Variants in CLMP observed in about 807,000 individuals in gnomAD.
The protein encoded by CLMP is CXADR like cell adhesion molecule.
Under a neutral mutation model 45.2 loss-of-function variants are expected in CLMP, and 27 were observed. The observed-to-expected ratio is 0.60, with a 90% confidence interval of 0.44 to 0.82. The LOEUF (loss-of-function observed/expected upper bound fraction) is 0.82. Among genes scored for constraint, CLMP ranks in the 40% least tolerant of loss-of-function variants. The probability of loss-of-function intolerance (pLI) is 0.00; values close to 1 mark genes in which losing one functional copy is unlikely to be tolerated. For synonymous variants in CLMP, 167 were observed against 171.4 expected (o/e 0.97, Z 0.20); for missense variants, 403 against 448.4 (o/e 0.90, Z 0.91).
chr11:123,106,912 C>A (rs1208064992), intron 1 of CLMP, among the ~76,000 whole-genome samples: 4 of 150,738 alleles, frequency 2.7e-5, no homozygotes, highest in African/African-American at 7.3e-5. Context: ...CCCAGCTACT[C>A]GGGAGGCTGA....
chr11:123,146,417 C>T (rs1861238751), intron 1 of CLMP, among the ~76,000 whole-genome samples: 1 of 152,102 alleles, frequency 6.6e-6, no homozygotes, highest in African/African-American at 2.4e-5. Context: ...TTATTATTTC[C>T]TTATTCCTTA....
At chr11:123,080,241 A>G (rs1865789164) in intron 5 of CLMP, among the ~76,000 whole-genome samples, 3 of 152,298 alleles carry the variant, frequency 2.0e-5, no homozygotes, top group African/African-American at 7.2e-5. Context: ...CAGATGCAAC[A>G]TACCATCACT....
rs1158725312 is a variant in CLMP, at chr11:123,083,087, T to C, written c.677A>G (p.Gln226Arg). The C allele has an allele frequency of 6.2e-7, 1 of 1,614,220 alleles. No homozygotes were observed. ...KESCVVRVTV[Q>R]YVQSIGMVAG... ...CTAAAACCTCTTTGGATGCTTACACTGTACAGTTACTCGCACCACACAGCT... is the reference window on the plus strand; with the variant it reads ...CTAAAACCTCTTTGGATGCTTACACCGTACAGTTACTCGCACCACACAGCT... Residue 226 changes from glutamine to arginine, a missense_variant and splice_region_variant, in exon 5 of 7, where the codon CAG (glutamine) becomes CGG (arginine). By Grantham distance (43) the Gln-to-Arg change is conservative. Transcript: ENST00000448775.
At position 123,083,728 on chromosome 11, in the gene CLMP, G is replaced by C. The variant is rs765907815; in HGVS notation, c.508C>G (p.Arg170Gly). The C allele has an allele frequency of 6.2e-7, 1 of 1,613,952 alleles. No individual in the cohort carries two copies. Among genetic ancestry groups the C allele is most frequent in the Non-Finnish European group, 8.5e-7 (1 of 1,179,998 alleles). The change falls in exon 4 of 7, where the codon CGA becomes GGA. Residue 170 changes from arginine (R) to glycine (G), a missense_variant. Physicochemically the swap from Arg to Gly is moderately radical, Grantham distance 125. Transcript: ENST00000448775. ...CGTTCATCCTCTCCCTCTTTCTCTC[G>C]GATTCGCTGCCAGTAATACACAATG... is the stretch of plus-strand genomic sequence containing the variant. ...EPIVYYWQRI[R>G]EKEGEDERLP...
In CLMP at chr11:123,074,721, C is replaced by T. The variant is rs1186034165; in HGVS notation, c.802G>A (p.Glu268Lys). The T allele has an allele frequency of 1.2e-6, 2 of 1,613,990 alleles. No homozygotes were observed. The highest frequency in any genetic ancestry group is 2.7e-5 in the African/African-American group (2 of 74,914). ...GTTTACCGAATTTCATTAGGTCTCT[C>T]TTCTTCCTCATATCTTTCTTTGTCT... ...RKDKERYEEE[E>K]RPNEIREDAE... Residue 268 changes from glutamate to lysine, a missense_variant, in exon 6 of 7, where the codon GAG (glutamate) becomes AAG (lysine). Physicochemically the swap from Glu to Lys is moderately conservative, Grantham distance 56. Coordinates refer to ENST00000448775, the MANE Select transcript of CLMP (RefSeq NM_024769.5).
intron 1 of CLMP, among the ~76,000 whole-genome samples, chr11:123,105,396 CCTTCCTTCCT>C (rs1353723932): frequency 3.3e-5 from 4 of 123,068 alleles, no homozygotes; most frequent in African/African-American, 1.2e-4. Flanking sequence ...TTCCTTCCTT[CCTTCCTTCCT>C]CTCTCTCTCT....
intron 1 of CLMP, among the ~76,000 whole-genome samples, chr11:123,099,992 G>T (rs184153361): frequency 5.4e-4 from 82 of 152,306 alleles, no homozygotes; most frequent in African/African-American, 1.9e-3. Context: ...AAAAGCAAAT[G>T]ATGGATTTGC....
At chr11:123,083,249 G>A (rs1461802470) in intron 4 of CLMP, 42 bp from the exon 5 acceptor site, 1 of 1,587,118 alleles carries the variant, frequency 6.3e-7, no homozygotes, top group South Asian at 1.1e-5. Flanking sequence ...CTTTAGTGAT[G>A]GTATCTATAT....
At chr11:123,104,247 G>A (rs921357700) in intron 1 of CLMP, among the ~76,000 whole-genome samples, 2 of 146,068 alleles carry the variant, frequency 1.4e-5, no homozygotes, top group Non-Finnish European at 3.0e-5. Context: ...ACCACCCACC[G>A]AGCTATTTTT....
chr11:123,140,790 C>T (rs564780656), intron 1 of CLMP, among the ~76,000 whole-genome samples: 2 of 152,176 alleles, frequency 1.3e-5, no homozygotes, highest in South Asian at 2.1e-4. Context: ...TCCATACCCC[C>T]GATATGATTT....
intron 1 of CLMP, among the ~76,000 whole-genome samples, chr11:123,160,114 A>G (rs1038937879): frequency 2.0e-5 from 3 of 151,898 alleles, no homozygotes; most frequent in Non-Finnish European, 4.4e-5. Context: ...CCCTGTCTCT[A>G]CTAAAAAATA....
chr11:123,183,931 G>A (rs1484551285), intron 1 of CLMP, among the ~76,000 whole-genome samples: 24 of 152,058 alleles, frequency 1.6e-4, no homozygotes, highest in Admixed American at 1.1e-3. Flanking sequence ...ACCTGGCTTC[G>A]AGTTTTGATT....
At chr11:123,157,790 G>A (rs1317997680) in intron 1 of CLMP, among the ~76,000 whole-genome samples, 2 of 150,854 alleles carry the variant, frequency 1.3e-5, no homozygotes, top group Non-Finnish European at 3.0e-5. Context: ...CTGGGTTCAC[G>A]GCGTGTAAGT....
intron 1 of CLMP, among the ~76,000 whole-genome samples, chr11:123,144,757 C>A (rs894271940): frequency 6.6e-6 from 1 of 152,164 alleles, no homozygotes; most frequent in Non-Finnish European, 1.5e-5. Context: ...AAGCAGTAGA[C>A]AGAGTTTTTG....
At chr11:123,160,425 T>A (rs1433296384) in intron 1 of CLMP, among the ~76,000 whole-genome samples, 1 of 152,148 alleles carries the variant, frequency 6.6e-6, no homozygotes, top group Non-Finnish European at 1.5e-5. Context: ...ATGTCTTCAC[T>A]GCACTTATTA....
intron 1 of CLMP, among the ~76,000 whole-genome samples, chr11:123,110,891 T>G (rs1401925740): frequency 6.6e-6 from 1 of 152,050 alleles, no homozygotes; most frequent in Non-Finnish European, 1.5e-5. Flanking sequence ...AGTTTTCCAT[T>G]ACTGGAGTCA....
chr11:123,175,614 C>T (rs1001867041), intron 1 of CLMP, among the ~76,000 whole-genome samples: 26 of 152,228 alleles, frequency 1.7e-4, no homozygotes, highest in African/African-American at 5.8e-4. Flanking sequence ...TGAGTCACCA[C>T]GCCCAGCTTG....
At chr11:123,103,752 A>G (rs1460082538) in intron 1 of CLMP, among the ~76,000 whole-genome samples, 1 of 138,360 alleles carries the variant, frequency 7.2e-6, no homozygotes. Flanking sequence ...ATTTTTTTAC[A>G]TTGCTCAAAG....
intron 1 of CLMP, among the ~76,000 whole-genome samples, chr11:123,186,580 C>T (rs1329809193): frequency 3.3e-5 from 5 of 151,222 alleles, no homozygotes; most frequent in Admixed American, 2.0e-4. Flanking sequence ...AATGCAGTGG[C>T]GTGATCTCAA....
Sources: allele counts gnomAD v4.1 joint callset (sites outside exome capture counted in the v4.1 genomes callset), GRCh38; gene constraint gnomAD v4.1.1; transcripts MANE v1.5; gene names NCBI Gene and HGNC (gene_info 2026-07-23, HGNC 2026-07-21).